Variants in ADGRB3 observed in about 807,000 individuals in gnomAD.
ADGRB3 encodes adhesion G protein-coupled receptor B3.
Under a neutral mutation model 193.4 loss-of-function variants are expected in ADGRB3, and 37 were observed. The ratio of observed to expected loss-of-function variants is 0.19; its 90% CI spans 0.15 to 0.25. The LOEUF is 0.25. Ranked by LOEUF, ADGRB3 falls within the 10% of genes least tolerant of loss-of-function variation. The pLI, the probability that ADGRB3 is intolerant of heterozygous loss-of-function variation, is 1.00. For missense variants in ADGRB3, 1,637 were observed against 1,852.9 expected (o/e 0.88, Z 2.14); for synonymous variants, 690 against 644.2 (o/e 1.07, Z -1.08).
At chr6:68,973,964 T>G (rs1057090066) in intron 8 of ADGRB3, among the ~76,000 whole-genome samples, 2 of 152,246 alleles carry the variant, frequency 1.3e-5, no homozygotes, top group Admixed American at 6.5e-5. Context: ...TGCTCAATAA[T>G]TAAATTGAAA....
intron 17 of ADGRB3, among the ~76,000 whole-genome samples, chr6:69,155,631 A>G (rs1439039430): frequency 6.6e-6 from 1 of 152,194 alleles, no homozygotes; most frequent in Non-Finnish European, 1.5e-5. Flanking sequence ...ATTACTATCA[A>G]TCCCAATCAG....
At chr6:68,829,195 A>G (rs1337734474) in intron 3 of ADGRB3, among the ~76,000 whole-genome samples, 1 of 145,220 alleles carries the variant, frequency 6.9e-6, no homozygotes, top group Non-Finnish European at 1.5e-5. Flanking sequence ...TGCCTCCTGG[A>G]TTCAAGCAAT....
intron 3 of ADGRB3, among the ~76,000 whole-genome samples, chr6:68,837,317 TACTATCAATATAATGTAAAAA>T (rs1768065067): frequency 6.6e-6 from 1 of 152,224 alleles, no homozygotes. Flanking sequence ...TAACAATTTG[TACTATCAATATAATGTAAAAA>T]GTGAAAAGTC....
chr6:69,233,132 C>A, intron 17 of ADGRB3, 158 bp from the exon 18 acceptor site: 1 of 1,017,434 alleles, frequency 9.8e-7, no homozygotes, highest in Non-Finnish European at 1.4e-6. Flanking sequence ...ACTGGAGATG[C>A]ATCTAAATTA....
intron 6 of ADGRB3, among the ~76,000 whole-genome samples, chr6:68,954,640 T>A (rs1437371237): frequency 1.3e-5 from 2 of 152,104 alleles, no homozygotes; most frequent in African/African-American, 4.8e-5. Flanking sequence ...CTAGATCTGA[T>A]CATAGTATTA....
chr6:68,700,935 C>G (rs567245564), intron 3 of ADGRB3, among the ~76,000 whole-genome samples: 1 of 151,640 alleles, frequency 6.6e-6, no homozygotes, highest in South Asian at 2.1e-4. Context: ...CAAACCTGCA[C>G]GTTGTGCACA....
intron 7 of ADGRB3, among the ~76,000 whole-genome samples, 190 bp from the exon 8 acceptor site, chr6:68,956,455 A>G (rs1168056166): frequency 1.3e-5 from 2 of 152,124 alleles, no homozygotes; most frequent in Non-Finnish European, 2.9e-5. Flanking sequence ...CTGAGCTTGC[A>G]CTTTTTACAC....
chr6:69,082,389 C>G (rs1772412701), intron 17 of ADGRB3, among the ~76,000 whole-genome samples: 1 of 151,974 alleles, frequency 6.6e-6, no homozygotes, highest in African/African-American at 2.4e-5. Flanking sequence ...ATAGATTCAC[C>G]CATAATTTGT....
At chr6:69,290,228 TA>T (rs947765584) in intron 20 of ADGRB3, among the ~76,000 whole-genome samples, 1 of 152,082 alleles carries the variant, frequency 6.6e-6, no homozygotes, top group African/African-American at 2.4e-5. Flanking sequence ...CATTGAAATA[TA>T]AAATAGAATT....
Position 68,997,751 on chromosome 6 carries a change from A to C in ADGRB3, c.1929+3789A>C, listed in dbSNP as rs1234890353. On this transcript the variant is annotated intron_variant, in intron 11 of 31. Coordinates refer to ENST00000370598, the MANE Select transcript of ADGRB3 (RefSeq NM_001704.3). ...CCAACACATGAGGTCCTTAAGTTAA[A>C]ATGACTCCTGTTTTTAATTGTCATT... Among the ~76,000 whole-genome samples the C allele has an allele frequency of 2.6e-5, 4 of 151,998 alleles. No homozygotes were observed. The East Asian group carries it at 7.7e-4, about 29-fold the overall frequency.
chr6:68,969,428 G>A (rs530077617), intron 8 of ADGRB3, among the ~76,000 whole-genome samples: 1 of 152,178 alleles, frequency 6.6e-6, no homozygotes, highest in Non-Finnish European at 1.5e-5. Flanking sequence ...TATGAGCCGT[G>A]ATGGGAATGG....
At chr6:69,154,752 C>G (rs1422142163) in intron 17 of ADGRB3, among the ~76,000 whole-genome samples, 1 of 152,024 alleles carries the variant, frequency 6.6e-6, no homozygotes, top group African/African-American at 2.4e-5. Context: ...ACAATGCCTA[C>G]CCCATAGTAG....
intron 17 of ADGRB3, among the ~76,000 whole-genome samples, chr6:69,121,665 C>G (rs897797248): frequency 1.1e-4 from 16 of 149,502 alleles, no homozygotes; most frequent in African/African-American, 3.5e-4. Context: ...CCAGATGGGG[C>G]AGCCAGGCCG....
chr6:68,917,411 A>G (rs1766912102), intron 3 of ADGRB3, among the ~76,000 whole-genome samples: 2 of 152,232 alleles, frequency 1.3e-5, no homozygotes, highest in South Asian at 4.1e-4. Context: ...ATAGTTGCCT[A>G]AACAATATAG....
intron 17 of ADGRB3, among the ~76,000 whole-genome samples, chr6:69,190,043 C>T (rs993568887): frequency 6.6e-6 from 1 of 151,996 alleles, no homozygotes; most frequent in Non-Finnish European, 1.5e-5. Context: ...AAGTAGAGCA[C>T]ATACAATTAT....
rs552384905 is a variant in ADGRB3 at position 69,055,076 on chromosome 6, T to C, written c.2333+5730T>C. On this transcript the variant is annotated intron_variant, in intron 15 of 31. Transcript: ENST00000370598. ...CTTTTTGTTGTATCTTATCTGGCAATACTGTATGTGTGCTATTAGTTCTGC... is the reference window on the plus strand; with the variant it reads ...CTTTTTGTTGTATCTTATCTGGCAACACTGTATGTGTGCTATTAGTTCTGC... 1.2e-4 allele frequency among the ~76,000 whole-genome samples: 19 copies of C among 152,322 alleles called. 1 individual carries two copies. In the South Asian group the frequency reaches 3.7e-3, roughly 30 times the overall value.
intron 3 of ADGRB3, among the ~76,000 whole-genome samples, chr6:68,782,051 A>G (rs1027034407): frequency 1.3e-5 from 2 of 151,310 alleles, no homozygotes; most frequent in Non-Finnish European, 2.9e-5. Flanking sequence ...TACATGTGCC[A>G]TGTTGGTGTG....
intron 20 of ADGRB3, among the ~76,000 whole-genome samples, chr6:69,297,358 C>CTCTCTCTG (rs1767844709): frequency 8.0e-6 from 1 of 125,250 alleles, no homozygotes; most frequent in African/African-American, 3.4e-5. Context: ...CTCTCTCTCT[C>CTCTCTCTG]TCTCTCTCTT....
intron 26 of ADGRB3, among the ~76,000 whole-genome samples, chr6:69,342,890 T>G (rs921895951): frequency 3.9e-5 from 6 of 151,956 alleles, no homozygotes; most frequent in Non-Finnish European, 8.8e-5. Context: ...AAATATATAT[T>G]TTTTAATTTA....
Sources: gnomAD v4.1 joint callset for allele counts (sites outside exome capture counted in the v4.1 genomes callset) on GRCh38, gnomAD v4.1.1 for gene constraint, MANE v1.5 for transcripts, NCBI Gene and HGNC (gene_info 2026-07-23, HGNC 2026-07-21) for gene names.